MTCL2: variants seen among roughly 807,000 people sequenced by gnomAD.
MTCL2 encodes the protein microtubule crosslinking factor 2.
chr20:36,833,117 A>G, the MTCL2 span, among the ~76,000 whole-genome samples: 1 of 152,240 alleles, frequency 6.6e-6, no homozygotes, highest in East Asian at 1.9e-4. Flanking sequence ...CTATAGAACT[A>G]AGGTTTGAAA....
At chr20:36,786,920 T>C in the MTCL2 span, among the ~76,000 whole-genome samples, 25 of 152,326 alleles carry the variant, frequency 1.6e-4, no homozygotes, top group African/African-American at 5.1e-4. Flanking sequence ...TTTACCAAAA[T>C]GACAGCTTAT....
At chr20:36,852,938 T>A in the MTCL2 span, among the ~76,000 whole-genome samples, 1 of 151,564 alleles carries the variant, frequency 6.6e-6, no homozygotes, top group Admixed American at 6.6e-5. Flanking sequence ...ATGCCTGTAG[T>A]CCCAGCTACT....
At chr20:36,782,358 G>C in the MTCL2 span, 1 of 152,268 alleles carries the variant, frequency 6.6e-6, no homozygotes, top group Non-Finnish European at 1.5e-5. Flanking sequence ...CAGCGGATTT[G>C]CACAGCAAAC....
At chr20:36,818,844 C>T in the MTCL2 span, among the ~76,000 whole-genome samples, 3 of 152,132 alleles carry the variant, frequency 2.0e-5, no homozygotes, top group Non-Finnish European at 2.9e-5. Context: ...CATTAAAAGG[C>T]CAGCAGACCT....
chr20:36,852,407 G>A, the MTCL2 span, among the ~76,000 whole-genome samples: 1 of 152,240 alleles, frequency 6.6e-6, no homozygotes, highest in Non-Finnish European at 1.5e-5. Context: ...AGAGGCCAGG[G>A]CAGCCATCTG....
At chr20:36,809,849 C>T in the MTCL2 span, 6 of 1,126,222 alleles carry the variant, frequency 5.3e-6, no homozygotes, top group Non-Finnish European at 6.2e-6. Context: ...GCTGGGATTA[C>T]AGGCGTGAGC....
chr20:36,801,716 A>G, the MTCL2 span, among the ~76,000 whole-genome samples: 1 of 152,354 alleles, frequency 6.6e-6, no homozygotes, highest in Admixed American at 6.5e-5. Context: ...CTGTAATCCC[A>G]GCACTTTGGA....
chr20:36,798,673 T>G, the MTCL2 span, among the ~76,000 whole-genome samples: 295 of 152,260 alleles, frequency 1.9e-3, 3 homozygotes, highest in East Asian at 0.01. Context: ...GTGGGGTGAT[T>G]TACTGTTTAC....
chr20:36,808,636 C>G, the MTCL2 span: 1 of 1,612,636 alleles, frequency 6.2e-7, no homozygotes, highest in South Asian at 1.1e-5. Context: ...CCTGCACCAG[C>G]ATGTTCTTCT....
At chr20:36,791,866 T>C in the MTCL2 span, among the ~76,000 whole-genome samples, 1 of 152,240 alleles carries the variant, frequency 6.6e-6, no homozygotes, top group East Asian at 1.9e-4. Flanking sequence ...GTTCCTACTC[T>C]TGGGTTTTAT....
chr20:36,827,083 C>T, the MTCL2 span, among the ~76,000 whole-genome samples: 5 of 150,416 alleles, frequency 3.3e-5, no homozygotes, highest in Admixed American at 6.6e-5. Flanking sequence ...TCACTTTTGT[C>T]GCCCAGGCTG....
chr20:36,862,756 G>C, the MTCL2 span: 1 of 1,460,534 alleles, frequency 6.8e-7, no homozygotes, highest in Admixed American at 2.3e-5. Flanking sequence ...GAGAAGGCAA[G>C]CGAGGCGCTG....
the MTCL2 span, among the ~76,000 whole-genome samples, chr20:36,816,521 G>A: frequency 6.6e-6 from 1 of 152,004 alleles, no homozygotes; most frequent in Admixed American, 6.6e-5. Flanking sequence ...GGGAGTACAG[G>A]AACAGGTGAC....
the MTCL2 span, chr20:36,862,964 C>T: frequency 7.1e-7 from 1 of 1,406,744 alleles, no homozygotes; most frequent in South Asian, 1.3e-5. Flanking sequence ...CCTCCTCCGA[C>T]GCGCAGTCCG....
chr20:36,817,346 A>C, the MTCL2 span: 5 of 1,445,488 alleles, frequency 3.5e-6, no homozygotes, highest in Non-Finnish European at 4.7e-6. Flanking sequence ...TCCCCAGGCC[A>C]CTTAGAGTCA....
At chr20:36,802,960 C>T in the MTCL2 span, 1 of 1,583,512 alleles carries the variant, frequency 6.3e-7, no homozygotes, top group Non-Finnish European at 8.6e-7. Flanking sequence ...CAGTTGCGCT[C>T]ACTGATCTGC....
At chr20:36,851,775 T>C in the MTCL2 span, among the ~76,000 whole-genome samples, 11 of 152,304 alleles carry the variant, frequency 7.2e-5, no homozygotes, top group African/African-American at 2.6e-4. Context: ...GGATGTGATG[T>C]CAGGAGGACA....
At chr20:36,808,592 A>T in the MTCL2 span, 1 of 1,611,574 alleles carries the variant, frequency 6.2e-7, no homozygotes, top group Non-Finnish European at 8.5e-7. Context: ...CTTCATGAAG[A>T]GCAGCAGGAA....
At chr20:36,802,715 A>G in the MTCL2 span, 1 of 1,025,202 alleles carries the variant, frequency 9.8e-7, no homozygotes, top group Non-Finnish European at 1.4e-6. Flanking sequence ...GGATCCAGCT[A>G]TACCTGAAGG....
Sources: allele counts gnomAD v4.1 joint callset (sites outside exome capture counted in the v4.1 genomes callset), GRCh38; gene constraint gnomAD v4.1.1; transcripts MANE v1.5; gene names NCBI Gene and HGNC (gene_info 2026-07-23, HGNC 2026-07-21).